Variants in MTRFR observed in about 807,000 individuals in gnomAD.
The protein encoded by MTRFR is mitochondrial translation release factor in rescue.
Under a neutral mutation model 11.9 loss-of-function variants are expected in MTRFR, and 10 were observed. The ratio of observed to expected loss-of-function variants is 0.84; its 90% CI spans 0.52 to 1.42. The LOEUF (loss-of-function observed/expected upper bound fraction) is 1.42. Among genes scored for constraint, MTRFR ranks in the 40% most tolerant of loss-of-function variants. MTRFR has a pLI of 0.00. For missense variants in MTRFR, 196 were observed against 197.9 expected (o/e 0.99, Z 0.06); for synonymous variants, 77 against 79.1 (o/e 0.97, Z 0.14).
At chr12:123,235,143 TCC>T (rs917139424) in intron 1 of MTRFR, among the ~76,000 whole-genome samples, 3 of 152,198 alleles carry the variant, frequency 2.0e-5, no homozygotes, top group African/African-American at 7.2e-5. Flanking sequence ...TCTGACATGC[TCC>T]CATTTAGTGA....
chr12:123,235,610 G>A (rs1273180048), intron 1 of MTRFR, among the ~76,000 whole-genome samples: 1 of 150,490 alleles, frequency 6.6e-6, no homozygotes, highest in Non-Finnish European at 1.5e-5. Context: ...CTGACCTCAT[G>A]ATCCACCTGC....
intron 1 of MTRFR, among the ~76,000 whole-genome samples, chr12:123,239,463 C>T (rs887894572): frequency 5.3e-5 from 8 of 151,852 alleles, no homozygotes; most frequent in South Asian, 2.1e-4. Context: ...AGTGCAATGG[C>T]GCAATCTCGG....
At position 123,257,159 on chromosome 12, in the gene MTRFR, CAA is replaced by C. The variant is rs2048192018; in HGVS notation, c.*130_*131del. 1.3e-6 allele frequency: 1 copy of C among 797,372 alleles called. No individual in the cohort carries two copies. Among genetic ancestry groups the C allele is most frequent in the African/African-American group, 1.7e-5 (1 of 57,606 alleles). The allele number at this position is 797,372 out of a possible 1,614,324, so 49.4% of individuals were successfully genotyped here. On this transcript the variant is annotated 3_prime_UTR_variant, in exon 3 of 3. Transcript: ENST00000253233. ...TATTTTTGATGAACTTAAAAGACAA[CAA>C]ATTTATTTAAATGGTGCACTAAACT...
In MTRFR at chr12:123,253,748, T is replaced by A. The variant is rs773907069; in HGVS notation, c.74T>A (p.Leu25His). The change falls in exon 2 of 3, where the codon CTT (leucine) becomes CAT (histidine). Residue 25 changes from leucine (L) to histidine (H), a missense_variant. Transcript: ENST00000253233. ...RICPAPWGLR[L>H]WEKLTLLSPG... ...TGCCCGGCGCCATGGGGACTCCGGC[T>A]TTGGGAGAAGCTGACGTTGTTATCC... 1.2e-6 allele frequency: 2 copies of A among 1,614,148 alleles called. No individual in the cohort carries two copies. The highest frequency in any genetic ancestry group is 4.5e-5 in the East Asian group (2 of 44,886).
At chr12:123,234,370 AT>A (rs920480824) in intron 1 of MTRFR, among the ~76,000 whole-genome samples, 5 of 109,490 alleles carry the variant, frequency 4.6e-5, no homozygotes, top group African/African-American at 7.2e-5. Flanking sequence ...ATACCTACCA[AT>A]TTTTTTTTAC....
At position 123,238,148 on chromosome 12, in the gene MTRFR, C is replaced by T. The variant is rs545589958; in HGVS notation, c.-29+4617C>T. 2.0e-5 allele frequency among the ~76,000 whole-genome samples: 3 copies of T among 152,254 alleles called. No individual in the cohort carries two copies. The East Asian group carries it at 5.8e-4, about 29-fold the overall frequency. On this transcript the variant is annotated intron_variant, in intron 1 of 2. Transcript: ENST00000253233. ...TGAGCTCAGGCAATCCACCCTCAGC[C>T]TCCCAAAGTGCTAGGATTACAGTCA...
rs1279058110 is a variant in MTRFR at position 123,253,974 on chromosome 12, G to A, written c.282+18G>A. 5 of 1,613,306 alleles carry A rather than the reference G, an allele frequency of 3.1e-6. No homozygotes were observed. The highest frequency in any genetic ancestry group is 2.2e-5 in the East Asian group (1 of 44,882). ...TTGTAAAGGTAGATCACAGAAGGCC[G>A]CTGAGGGGAGAGGCCCCGCCCAAGG... On this transcript the variant is annotated intron_variant, in intron 2 of 2. Transcript: ENST00000253233.
intron 2 of MTRFR, among the ~76,000 whole-genome samples, chr12:123,255,485 C>G (rs2048173659): frequency 6.6e-6 from 1 of 151,584 alleles, no homozygotes; most frequent in Non-Finnish European, 1.5e-5. Flanking sequence ...GAGACAGGGT[C>G]TTGTTTTGTC....
chr12:123,243,010 A>C (rs2047966489), intron 1 of MTRFR, among the ~76,000 whole-genome samples: 2 of 152,214 alleles, frequency 1.3e-5, no homozygotes, highest in Non-Finnish European at 2.9e-5. Flanking sequence ...TTGGACATTG[A>C]CTTAGTCTAC....
chr12:123,245,360 G>A (rs2048024281), intron 1 of MTRFR, among the ~76,000 whole-genome samples: 2 of 152,090 alleles, frequency 1.3e-5, no homozygotes, highest in African/African-American at 4.8e-5. Flanking sequence ...CTTTGGCTAT[G>A]TGGGCTCTAT....
chr12:123,240,725 AC>A (rs2047920739), intron 1 of MTRFR: 1 of 109,092 alleles, frequency 9.2e-6, no homozygotes, highest in African/African-American at 3.1e-5. Flanking sequence ...TATTTTATTG[AC>A]CTTTTTTTTT....
chr12:123,250,321 T>C (rs1565996337), intron 1 of MTRFR: 1 of 152,252 alleles, frequency 6.6e-6, no homozygotes, highest in African/African-American at 2.4e-5. Context: ...GGCTTCACCT[T>C]TCTCTGGTCC....
intron 1 of MTRFR, chr12:123,250,929 C>T (rs2048104209): frequency 6.6e-6 from 1 of 152,188 alleles, no homozygotes; most frequent in Non-Finnish European, 1.5e-5. Flanking sequence ...GTCTTCCTGC[C>T]AGGGTGCATA....
intron 1 of MTRFR, chr12:123,251,097 C>A (rs889511913): frequency 1.3e-5 from 2 of 152,152 alleles, no homozygotes; most frequent in African/African-American, 4.8e-5. Flanking sequence ...CTGAGTCATG[C>A]AGGTTGTCAG....
intron 1 of MTRFR, among the ~76,000 whole-genome samples, chr12:123,238,306 G>A (rs1307559719): frequency 2.0e-5 from 3 of 152,150 alleles, no homozygotes; most frequent in Non-Finnish European, 4.4e-5. Context: ...TTTCAAAGCA[G>A]CAACATTGCA....
chr12:123,255,241 T>C (rs1292942971), intron 2 of MTRFR, among the ~76,000 whole-genome samples: 2 of 152,186 alleles, frequency 1.3e-5, no homozygotes, highest in Non-Finnish European at 1.5e-5. Flanking sequence ...GTTCACACCA[T>C]ACCCCAAGTC....
intron 1 of MTRFR, among the ~76,000 whole-genome samples, chr12:123,237,875 C>G (rs965255239): frequency 4.0e-5 from 6 of 150,930 alleles, no homozygotes; most frequent in African/African-American, 1.5e-4. Context: ...TTTTTAACTA[C>G]CATTTTACAG....
At chr12:123,241,148 T>TGG (rs575565493) in intron 1 of MTRFR, among the ~76,000 whole-genome samples, 2 of 43,276 alleles carry the variant, frequency 4.6e-5, no homozygotes, top group Admixed American at 3.4e-4. Context: ...GTTGTTTTTT[T>TGG]TTTGTTTTTG....
chr12:123,233,434 G>A (rs1267801716), upstream of MTRFR: 1 of 152,314 alleles, frequency 6.6e-6, no homozygotes, highest in Non-Finnish European at 1.5e-5. Context: ...TCGGAGTACG[G>A]CGCGTGCGCA....
Sources: allele counts gnomAD v4.1 joint callset (sites outside exome capture counted in the v4.1 genomes callset), GRCh38; gene constraint gnomAD v4.1.1; transcripts MANE v1.5; gene names NCBI Gene and HGNC (gene_info 2026-07-23, HGNC 2026-07-21).